Variants in METRN observed in about 807,000 individuals in gnomAD.
The protein encoded by METRN is meteorin.
METRN carries 17 observed loss-of-function variants against 17.4 expected under a neutral mutation model. That is an observed-to-expected ratio of 0.98 (90% CI 0.67 to 1.46). The LOEUF (loss-of-function observed/expected upper bound fraction) is 1.46, where lower values mean the gene tolerates loss of function less well. METRN is among the 40% of genes most tolerant of loss of function. METRN has a pLI of 0.00. For synonymous variants in METRN, 230 were observed against 210.8 expected (o/e 1.09, Z -0.79); for missense variants, 489 against 456.2 (o/e 1.07, Z -0.65).
rs566096229 is a variant in METRN, at chr16:717,555, C to T, written c.*168C>T. ...CGCAGCTGTGAGGATGGCTCCAATT[C>T]CTGCCTCCTGGCGGGAGACTGAGGC... On this transcript the variant is annotated 3_prime_UTR_variant, in exon 4 of 4. Coordinates refer to ENST00000568223, the MANE Select transcript of METRN (RefSeq NM_024042.4). The T allele has an allele frequency of 1.8e-6, 1 of 547,112 alleles. No homozygotes were observed. Among genetic ancestry groups the T allele is most frequent in the East Asian group, 3.5e-5 (1 of 28,852 alleles). 33.9% of individuals were successfully genotyped at this position (547,112 alleles called of 1,614,324 possible). A position where few individuals can be genotyped will look rare whatever the true frequency, so the allele number is the denominator to read the frequency against.
In METRN at chr16:716,924, G is replaced by A. The variant is rs1276115404; in HGVS notation, c.506-9G>A. On this transcript the variant is annotated splice_polypyrimidine_tract_variant and intron_variant, in intron 2 of 3. Transcript: ENST00000568223. ...AGGGCCTCTCCTCACCACCCCCTCTGCATGCCAGGTGCCTGCAGGCCCTGC... is the reference window on the plus strand; with the variant it reads ...AGGGCCTCTCCTCACCACCCCCTCTACATGCCAGGTGCCTGCAGGCCCTGC... 8 of 1,543,630 alleles carry A rather than the reference G, an allele frequency of 5.2e-6. No homozygotes were observed. The highest frequency in any genetic ancestry group is 1.4e-5 in the African/African-American group (1 of 73,014).
chr16:715,522 C>A, intron 1 of METRN, 62 bp from the exon 2 acceptor site: 4 of 1,281,884 alleles, frequency 3.1e-6, no homozygotes, highest in Non-Finnish European at 3.9e-6. Flanking sequence ...CGGGAGGGAG[C>A]GGGGGCTGCG....
At position 717,004 on chromosome 16, in the gene METRN, C is replaced by T. The variant is rs769338277; in HGVS notation, c.565+12C>T. On this transcript the variant is annotated intron_variant, in intron 3 of 3. Coordinates refer to ENST00000568223, the MANE Select transcript of METRN (RefSeq NM_024042.4). ...CACCAGCGACTTCGGTGAGTGTCCC[C>T]GCCATGGGGGGAGCCTGGAGCCTGC... 1.6e-5 allele frequency: 25 copies of T among 1,609,418 alleles called. No individual in the cohort carries two copies. Among genetic ancestry groups the T allele is most frequent in the African/African-American group, 9.4e-5 (7 of 74,866 alleles).
Position 718,155 on chromosome 16 carries a change from T to G in METRN, c.*768T>G, listed in dbSNP as rs1209417259. 1.3e-5 allele frequency: 2 copies of G among 152,248 alleles called. No individual in the cohort carries two copies. The highest frequency in any genetic ancestry group is 3.8e-4 in the East Asian group (2 of 5,204). 9.4% of individuals were successfully genotyped at this position (152,248 alleles called of 1,614,324 possible). A position where few individuals can be genotyped will look rare whatever the true frequency, so the allele number is the denominator to read the frequency against. On this transcript the variant is annotated 3_prime_UTR_variant, in exon 4 of 4. Transcript: ENST00000568223. ...CACAATGGGGTCTCTAAGGACCGTT[T>G]CCCGCCACTGGCCCCATTGTCACTG...
chr16:716,203 G>A, intron 2 of METRN: 1 of 985,462 alleles, frequency 1.0e-6, no homozygotes, highest in Non-Finnish European at 1.2e-6. Context: ...CAGGGGCAGA[G>A]TGGAGGGAAG....
chr16:717,719 T>C lies in METRN; in HGVS notation c.*332T>C. The C allele has an allele frequency of 3.5e-6, 1 of 284,728 alleles. No individual in the cohort carries two copies. The allele number at this position is 284,728 out of a possible 1,614,324, so 17.6% of individuals were successfully genotyped here. A position where few individuals can be genotyped will look rare whatever the true frequency, so the allele number is the denominator to read the frequency against. ...GGGGACCTGCACTCATGCAAGCTTC[T>C]GCTCTGCTGCACCCACCAGCCCCGT... On this transcript the variant is annotated 3_prime_UTR_variant, in exon 4 of 4. Coordinates refer to ENST00000568223, the MANE Select transcript of METRN (RefSeq NM_024042.4).
chr16:715,295 G>C lies in METRN; in HGVS notation c.6G>C (p.Gly2=). 2 of 1,331,888 alleles carry C rather than the reference G, an allele frequency of 1.5e-6. No individual in the cohort carries two copies. Among genetic ancestry groups the C allele is most frequent in the East Asian group, 3.2e-5 (1 of 31,042 alleles). 82.5% of individuals were successfully genotyped at this position (1,331,888 alleles called of 1,614,324 possible). ...CGGACGCCGCCCGCCGTGCCATGGG[G>C]TTCCCGGCCGCGGCGCTGCTCTGCG... M[G]FPAAALLCAL... Residue 2 remains glycine, a synonymous_variant, in exon 1 of 4, where the codon GGG becomes GGC. Transcript: ENST00000568223.
rs906354382 is a variant in METRN, at chr16:715,812, G to A, written c.333G>A (p.Pro111=). The change falls in exon 2 of 4, where the codon CCG becomes CCA. Residue 111 remains proline, a synonymous_variant. Transcript: ENST00000568223. Reference sequence around the variant, plus strand: ...TGGAGCTGCTGCTGGCCGAGGGCCCGGGCCCGGCAGGGGGCCGCTGCGTGC... The same window carrying A: ...TGGAGCTGCTGCTGGCCGAGGGCCCAGGCCCGGCAGGGGGCCGCTGCGTGC... The part of the protein sequence containing the change: ...GALELLLAEG[P]GPAGGRCVRW... 2.1e-5 allele frequency: 27 copies of A among 1,263,762 alleles called. No homozygotes were observed. The highest frequency in any genetic ancestry group is 2.3e-5 in the Non-Finnish European group (23 of 1,007,592). The allele number at this position is 1,263,762 out of a possible 1,614,324, so 78.3% of individuals were successfully genotyped here. A position where few individuals can be genotyped will look rare whatever the true frequency, so the allele number is the denominator to read the frequency against.
At chr16:715,434 C>T in intron 1 of METRN, 41 bp downstream of exon 1, 2 of 1,267,570 alleles carry the variant, frequency 1.6e-6, no homozygotes, top group Non-Finnish European at 2.0e-6. Flanking sequence ...GGACGGGGTG[C>T]GCTGCGGCTA....
rs750653482 is a variant in METRN, at chr16:717,385, T to TGAGGGGCTGGGTGCTGGG, written c.*9_*26dup. 3.5e-5 allele frequency: 48 copies of TGAGGGGCTGGGTGCTGGG among 1,360,620 alleles called. No individual in the cohort carries two copies. In the African/African-American group the frequency reaches 5.9e-4, roughly 17 times the overall value. 84.3% of individuals were successfully genotyped at this position (1,360,620 alleles called of 1,614,324 possible). A position where few individuals can be genotyped will look rare whatever the true frequency, so the allele number is the denominator to read the frequency against. ...CCACCCCTGCGAGGTGGCGCTGCACTGAGGGGCTGGGTGCTGGGGAGGGGC... is the reference window on the plus strand; with the variant it reads ...CCACCCCTGCGAGGTGGCGCTGCACTGAGGGGCTGGGTGCTGGGGAGGGGCTGGGTGCTGGGGAGGGGC... On this transcript the variant is annotated inframe_insertion and stop_retained_variant, in exon 4 of 4. Coordinates refer to ENST00000568223, the MANE Select transcript of METRN (RefSeq NM_024042.4).
intron 2 of METRN, 41 bp from the exon 3 acceptor site, chr16:716,892 A>C: frequency 6.5e-7 from 1 of 1,531,906 alleles, no homozygotes; most frequent in Non-Finnish European, 8.8e-7. Flanking sequence ...TGATGCCGGG[A>C]GAGGGCAGGG....
intron 1 of METRN, 65 bp downstream of exon 1, chr16:715,458 G>C: frequency 8.0e-7 from 1 of 1,255,848 alleles, no homozygotes; most frequent in South Asian, 2.5e-5. Flanking sequence ...CCCCCCAGGC[G>C]CCCCTCGGAG....
chr16:715,662 G>A lies in METRN; in HGVS notation c.183G>A (p.Pro61=). 2 of 1,429,228 alleles carry A rather than the reference G, an allele frequency of 1.4e-6. No individual in the cohort carries two copies. Among genetic ancestry groups the A allele is most frequent in the Non-Finnish European group, 1.8e-6 (2 of 1,096,198 alleles). 88.5% of individuals were successfully genotyped at this position (1,429,228 alleles called of 1,614,324 possible). The change falls in exon 2 of 4, where the codon CCG becomes CCA. Residue 61 remains proline, a synonymous_variant. Transcript: ENST00000568223. The stretch of plus-strand genomic sequence containing the variant: ...AGGGCGCGGTTGAGTGGCTGTACCC[G>A]GCTGGGGCGCTGCGCCTGACCCTGG... ...CAEGAVEWLY[P]AGALRLTLGG...
In METRN at chr16:716,310, G is replaced by C. The variant is rs565035010; in HGVS notation, c.505+326G>C. 24 of 1,389,356 alleles carry C rather than the reference G, an allele frequency of 1.7e-5. No homozygotes were observed. The African/African-American group carries it at 2.9e-4, about 17-fold the overall frequency. The allele number at this position is 1,389,356 out of a possible 1,614,324, so 86.1% of individuals were successfully genotyped here. A position where few individuals can be genotyped will look rare whatever the true frequency, so the allele number is the denominator to read the frequency against. On this transcript the variant is annotated intron_variant, in intron 2 of 3. Coordinates refer to ENST00000568223, the MANE Select transcript of METRN (RefSeq NM_024042.4). The stretch of plus-strand genomic sequence containing the variant: ...TCGAAGCCTCCGGCCAAAGCTGTCC[G>C]GGGCTCCCTGGCCCAGCGGTGACCT...
At chr16:716,734 G>T in intron 2 of METRN, 199 bp from the exon 3 acceptor site, 1 of 1,535,508 alleles carries the variant, frequency 6.5e-7, no homozygotes, top group Non-Finnish European at 8.7e-7. Flanking sequence ...CTGCAAGTGT[G>T]TTTCCTGAGT....
At position 715,834 on chromosome 16, in the gene METRN, G is replaced by A; in HGVS notation, c.355G>A (p.Val119Met). ...CCCGGGCCCGGCAGGGGGCCGCTGC[G>A]TGCGCTGGGGTCCCCGCGAGCGCCG... is the stretch of plus-strand genomic sequence containing the variant. The part of the protein sequence containing the change: ...EGPGPAGGRC[V>M]RWGPRERRAL... Residue 119 changes from valine (V) to methionine (M), a missense_variant, in exon 2 of 4, where the codon GTG becomes ATG. Transcript: ENST00000568223. The A allele has an allele frequency of 2.3e-6, 3 of 1,299,812 alleles. No homozygotes were observed. The highest frequency in any genetic ancestry group is 2.2e-5 in the South Asian group (1 of 44,674). 80.5% of individuals were successfully genotyped at this position (1,299,812 alleles called of 1,614,324 possible). A position where few individuals can be genotyped will look rare whatever the true frequency, so the allele number is the denominator to read the frequency against.
At position 717,492 on chromosome 16, in the gene METRN, C is replaced by A; in HGVS notation, c.*105C>A. On this transcript the variant is annotated 3_prime_UTR_variant, in exon 4 of 4. Transcript: ENST00000568223. ...CTCTGTTCACGCAAGCTGCTGTGGACCTGGTCTCCTGTGTCCAGCCCAGCC... is the reference window on the plus strand; with the variant it reads ...CTCTGTTCACGCAAGCTGCTGTGGAACTGGTCTCCTGTGTCCAGCCCAGCC... 8.9e-7 allele frequency: 1 copy of A among 1,118,936 alleles called. No homozygotes were observed. The highest frequency in any genetic ancestry group is 1.2e-6 in the Non-Finnish European group (1 of 846,824). The allele number at this position is 1,118,936 out of a possible 1,614,324, so 69.3% of individuals were successfully genotyped here. A position where few individuals can be genotyped will look rare whatever the true frequency, so the allele number is the denominator to read the frequency against.
Position 715,263 on chromosome 16 carries a change from G to T in METRN, c.-27G>T. 2 of 1,259,456 alleles carry T rather than the reference G, an allele frequency of 1.6e-6. No homozygotes were observed. Among genetic ancestry groups the T allele is most frequent in the East Asian group, 3.6e-5 (1 of 28,104 alleles). The allele number at this position is 1,259,456 out of a possible 1,614,324, so 78.0% of individuals were successfully genotyped here. ...CCGGGGCAGCGGTGGTGAGAGCCCC[G>T]ACTCCCCGGACGCCGCCCGCCGTGC... On this transcript the variant is annotated 5_prime_UTR_variant, in exon 1 of 4. Transcript: ENST00000568223.
intron 3 of METRN, 37 bp downstream of exon 3, chr16:717,029 C>T (rs761828336): frequency 6.2e-7 from 1 of 1,611,578 alleles, no homozygotes; most frequent in South Asian, 1.1e-5. Flanking sequence ...CTGGAGCCTG[C>T]CTTCCCCTGA....
Sources: allele counts gnomAD v4.1 joint callset, GRCh38; gene constraint gnomAD v4.1.1; transcripts MANE v1.5; gene names NCBI Gene and HGNC (gene_info 2026-07-23, HGNC 2026-07-21).